The following VTI1A variants were observed in gnomAD, a reference collection of about 807,000 sequenced individuals.
VTI1A encodes the protein vesicle transport through interaction with t-SNAREs homolog 1A.
VTI1A carries 22 observed loss-of-function variants against 34.9 expected under a neutral mutation model. The ratio of observed to expected loss-of-function variants is 0.63; its 90% CI spans 0.45 to 0.90. VTI1A has a LOEUF of 0.90. VTI1A is among the 40% of genes least tolerant of loss of function. The probability of loss-of-function intolerance (pLI) is 0.00; values close to 1 mark genes in which losing one functional copy is unlikely to be tolerated. For synonymous variants in VTI1A, 87 were observed against 97.3 expected (o/e 0.89, Z 0.62); for missense variants, 268 against 275.6 (o/e 0.97, Z 0.20).
chr10:112,834,240 T>G, the VTI1A span, among the ~76,000 whole-genome samples: 5 of 152,142 alleles, frequency 3.3e-5, no homozygotes, highest in African/African-American at 1.2e-4. Context: ...CCCGCCCCAG[T>G]CTCTGGTCTG....
At chr10:112,777,062 T>C (rs1167743444) in intron 7 of VTI1A, among the ~76,000 whole-genome samples, 1 of 152,222 alleles carries the variant, frequency 6.6e-6, no homozygotes, top group African/African-American at 2.4e-5. Context: ...AGCTTTTTTT[T>C]CCTAATTGGT....
intron 7 of VTI1A, among the ~76,000 whole-genome samples, chr10:112,706,475 A>G (rs1849202592): frequency 6.6e-6 from 1 of 152,162 alleles, no homozygotes; most frequent in South Asian, 2.1e-4. Flanking sequence ...GATGGTGGAG[A>G]GCTCTTAGTC....
chr10:112,462,636 G>A (rs1233863871), intron 2 of VTI1A, among the ~76,000 whole-genome samples: 1 of 152,112 alleles, frequency 6.6e-6, no homozygotes, highest in Non-Finnish European at 1.5e-5. Flanking sequence ...AACTATCACT[G>A]TTTAAATCAA....
chr10:112,457,939 GTC>G, intron 1 of VTI1A, among the ~76,000 whole-genome samples: 1 of 152,242 alleles, frequency 6.6e-6, no homozygotes. Context: ...ACCTAAGAAT[GTC>G]TATTAGTTTG....
At chr10:112,666,203 A>G (rs1847634441) in intron 5 of VTI1A, among the ~76,000 whole-genome samples, 1 of 152,108 alleles carries the variant, frequency 6.6e-6, no homozygotes, top group African/African-American at 2.4e-5. Flanking sequence ...ATCTTACCCA[A>G]TTTTACCTTA....
At chr10:112,728,785 T>A (rs1384968616) in intron 7 of VTI1A, among the ~76,000 whole-genome samples, 1 of 152,194 alleles carries the variant, frequency 6.6e-6, no homozygotes, top group Non-Finnish European at 1.5e-5. Flanking sequence ...AGTTTTATGG[T>A]TATTGATAGT....
downstream of VTI1A, among the ~76,000 whole-genome samples, chr10:112,820,724 G>A (rs191548927): frequency 1.8e-4 from 28 of 152,316 alleles, no homozygotes; most frequent in Admixed American, 9.8e-4. Context: ...GGGCAGATGC[G>A]GGGAGTGCAG....
rs576762305 is a variant in VTI1A at position 112,772,045 on chromosome 10, T to A, written c.561-43245T>A. ...GTGTACAAGTTTTTGTGTGGACATA[T>A]GTTTTTATTCTCTTATATAACTTGG... is the stretch of plus-strand genomic sequence containing the variant. On this transcript the variant is annotated intron_variant, in intron 7 of 7. Transcript: ENST00000393077. Among the ~76,000 whole-genome samples the A allele has an allele frequency of 4.6e-5, 7 of 152,360 alleles. No homozygotes were observed. The South Asian group carries it at 1.0e-3, about 23-fold the overall frequency.
chr10:112,542,026 A>T (rs1158080032), intron 5 of VTI1A, among the ~76,000 whole-genome samples: 1 of 152,170 alleles, frequency 6.6e-6, no homozygotes, highest in East Asian at 1.9e-4. Flanking sequence ...TAATAGTCAG[A>T]TATGACTTTT....
chr10:112,756,506 C>T (rs912427696), intron 7 of VTI1A, among the ~76,000 whole-genome samples: 3 of 152,154 alleles, frequency 2.0e-5, no homozygotes, highest in Non-Finnish European at 4.4e-5. Flanking sequence ...CTGCTGTGAT[C>T]TCCATCAGAA....
downstream of VTI1A, among the ~76,000 whole-genome samples, chr10:112,822,159 A>G (rs74156821): frequency 1.1e-3 from 163 of 152,204 alleles, 1 homozygote; most frequent in African/African-American, 3.9e-3. Flanking sequence ...GAGAAAGGTT[A>G]GAAGGAAAGA....
At chr10:112,854,937 A>T in the VTI1A span, among the ~76,000 whole-genome samples, 1 of 152,164 alleles carries the variant, frequency 6.6e-6, no homozygotes, top group African/African-American at 2.4e-5. Context: ...AGGGAGGGGA[A>T]GGAGCCAAGA....
intron 3 of VTI1A, among the ~76,000 whole-genome samples, chr10:112,506,079 G>A (rs371366099): frequency 9.2e-5 from 14 of 151,964 alleles, no homozygotes; most frequent in Admixed American, 3.9e-4. Flanking sequence ...AATATGTGTC[G>A]TTGCCATTTC....
At chr10:112,841,607 G>A in the VTI1A span, among the ~76,000 whole-genome samples, 3 of 152,134 alleles carry the variant, frequency 2.0e-5, no homozygotes, top group Non-Finnish European at 4.4e-5. Flanking sequence ...AGGGAAAGTG[G>A]GCGTCTGAAT....
chr10:112,626,572 G>A (rs1325339583), intron 5 of VTI1A, among the ~76,000 whole-genome samples: 1 of 150,224 alleles, frequency 6.7e-6, no homozygotes. Flanking sequence ...CTCCTAACAA[G>A]TATTTGCAAA....
chr10:112,770,959 G>A (rs1851797888), intron 7 of VTI1A, among the ~76,000 whole-genome samples: 1 of 152,108 alleles, frequency 6.6e-6, no homozygotes, highest in South Asian at 2.1e-4. Context: ...TCTAAAGAAT[G>A]TTCTAGCTTC....
chr10:112,656,203 G>T (rs752678253), intron 5 of VTI1A, among the ~76,000 whole-genome samples: 4 of 152,120 alleles, frequency 2.6e-5, no homozygotes, highest in Non-Finnish European at 5.9e-5. Context: ...TTGTTGCAAG[G>T]TGTGTTCAGG....
chr10:112,814,164 G>C (rs763209351), intron 7 of VTI1A, among the ~76,000 whole-genome samples: 1 of 152,198 alleles, frequency 6.6e-6, no homozygotes, highest in Non-Finnish European at 1.5e-5. Context: ...CAAAGTAGGG[G>C]TGTGGGGTCT....
chr10:112,844,482 T>C, the VTI1A span, among the ~76,000 whole-genome samples: 1 of 152,162 alleles, frequency 6.6e-6, no homozygotes, highest in African/African-American at 2.4e-5. Flanking sequence ...CACTGCAATC[T>C]CCACCTCCCG....
Sources: gnomAD v4.1 joint callset for allele counts (sites outside exome capture counted in the v4.1 genomes callset) on GRCh38, gnomAD v4.1.1 for gene constraint, MANE v1.5 for transcripts, NCBI Gene and HGNC (gene_info 2026-07-23, HGNC 2026-07-21) for gene names.